Variants in DRC11 observed in about 807,000 individuals in gnomAD.
The protein encoded by DRC11 is IQ and AAA domain-containing protein 1.
chr2:236,459,492 C>T, the DRC11 span, among the ~76,000 whole-genome samples: 22 of 127,242 alleles, frequency 1.7e-4, no homozygotes, highest in African/African-American at 3.4e-4. Context: ...AATATGTATA[C>T]GTATATATGT....
At chr2:236,497,459 G>C in the DRC11 span, 1 of 1,611,872 alleles carries the variant, frequency 6.2e-7, no homozygotes, top group Admixed American at 1.7e-5. This position sits in a 1 kb window ranked among gnomAD's most constrained non-coding sequence, Gnocchi z 5.1. Context: ...AGGGCTTCTT[G>C]GGTCTGATGC....
chr2:236,383,657 T>A, the DRC11 span, among the ~76,000 whole-genome samples: 2 of 151,918 alleles, frequency 1.3e-5, no homozygotes, highest in Non-Finnish European at 2.9e-5. Context: ...TGTTTTGTTT[T>A]TAAAACAACT....
chr2:236,356,680 T>A, the DRC11 span, among the ~76,000 whole-genome samples: 1 of 151,940 alleles, frequency 6.6e-6, no homozygotes, highest in South Asian at 2.1e-4. Context: ...GTAAAACGCC[T>A]TAGCATGTGC....
chr2:236,501,253 C>A, the DRC11 span, among the ~76,000 whole-genome samples: 4 of 152,120 alleles, frequency 2.6e-5, no homozygotes, highest in African/African-American at 9.7e-5. Context: ...AATCCACCTC[C>A]GTGATCCAAT....
At chr2:236,414,031 A>G in the DRC11 span, among the ~76,000 whole-genome samples, 4 of 152,244 alleles carry the variant, frequency 2.6e-5, no homozygotes, top group Non-Finnish European at 5.9e-5. Context: ...TCCACAGAGC[A>G]TTCCTTAACT....
At chr2:236,498,997 T>C in the DRC11 span, among the ~76,000 whole-genome samples, 1 of 151,998 alleles carries the variant, frequency 6.6e-6, no homozygotes, top group Non-Finnish European at 1.5e-5. Flanking sequence ...AATCGAAAAA[T>C]GTCAGTATCT....
the DRC11 span, among the ~76,000 whole-genome samples, chr2:236,423,366 C>A: frequency 5.9e-5 from 9 of 151,454 alleles, no homozygotes; most frequent in African/African-American, 2.2e-4. Context: ...AAAAAAAAAA[C>A]AACGCCATCA....
At chr2:236,412,344 G>GT in the DRC11 span, among the ~76,000 whole-genome samples, 95 of 152,268 alleles carry the variant, frequency 6.2e-4, no homozygotes, top group African/African-American at 2.1e-3. Context: ...CCCCCAGTTG[G>GT]TTTTAGCTCT....
chr2:236,472,316 A>G, the DRC11 span, among the ~76,000 whole-genome samples: 1 of 152,140 alleles, frequency 6.6e-6, no homozygotes, highest in African/African-American at 2.4e-5. The surrounding 1 kb of genome is among the most constrained non-coding windows in gnomAD (Gnocchi z 4.6). Flanking sequence ...TGCCTCCACA[A>G]TTCCCCCCTG....
At chr2:236,445,348 T>A in the DRC11 span, among the ~76,000 whole-genome samples, 2 of 152,098 alleles carry the variant, frequency 1.3e-5, no homozygotes, top group African/African-American at 2.4e-5. The surrounding 1 kb of genome is among the most constrained non-coding windows in gnomAD (Gnocchi z 4.8). Context: ...ATTTATTTAA[T>A]TTTAGACAGA....
chr2:236,493,122 G>A, the DRC11 span, among the ~76,000 whole-genome samples: 4 of 152,164 alleles, frequency 2.6e-5, no homozygotes, highest in African/African-American at 4.8e-5. Flanking sequence ...AAGGTGAAAG[G>A]CACATCTCAT....
the DRC11 span, chr2:236,419,077 T>C: frequency 4.1e-6 from 6 of 1,467,062 alleles, no homozygotes; most frequent in Non-Finnish European, 4.5e-6. The surrounding 1 kb of genome is among the most constrained non-coding windows in gnomAD (Gnocchi z 4.8). Flanking sequence ...AAATATCTCA[T>C]TGACTCAAAG....
At chr2:236,379,300 C>A in the DRC11 span, among the ~76,000 whole-genome samples, 1 of 128,206 alleles carries the variant, frequency 7.8e-6, no homozygotes, top group Non-Finnish European at 1.7e-5. Context: ...GAGGGAACCC[C>A]CAAACAGGGG....
At chr2:236,472,087 T>G in the DRC11 span, among the ~76,000 whole-genome samples, 10 of 152,204 alleles carry the variant, frequency 6.6e-5, no homozygotes, top group African/African-American at 1.7e-4. The surrounding 1 kb of genome is among the most constrained non-coding windows in gnomAD (Gnocchi z 4.6). Flanking sequence ...TCCCACGTAA[T>G]AGAAAAGAAA....
the DRC11 span, among the ~76,000 whole-genome samples, chr2:236,494,380 A>C: frequency 6.6e-6 from 1 of 152,204 alleles, no homozygotes; most frequent in Non-Finnish European, 1.5e-5. This position sits in a 1 kb window ranked among gnomAD's most constrained non-coding sequence, Gnocchi z 4.2. Context: ...TTATTTACAA[A>C]AGTAGTTTGC....
chr2:236,488,144 G>C, the DRC11 span: 2 of 1,607,636 alleles, frequency 1.2e-6, no homozygotes. Flanking sequence ...CAGCAATCTG[G>C]ATTAATTTAA....
the DRC11 span, among the ~76,000 whole-genome samples, chr2:236,472,327 C>G: frequency 6.6e-6 from 1 of 152,210 alleles, no homozygotes; most frequent in Non-Finnish European, 1.5e-5. This position sits in a 1 kb window ranked among gnomAD's most constrained non-coding sequence, Gnocchi z 4.6. Context: ...TTCCCCCCTG[C>G]AGCTAGCTAT....
the DRC11 span, among the ~76,000 whole-genome samples, chr2:236,489,566 C>T: frequency 1.3e-5 from 2 of 152,096 alleles, no homozygotes; most frequent in Non-Finnish European, 2.9e-5. Context: ...GCTCATGTGG[C>T]CTGGCTTGGG....
chr2:236,493,778 G>C, the DRC11 span: 4 of 1,599,116 alleles, frequency 2.5e-6, no homozygotes, highest in South Asian at 3.4e-5. Context: ...CATGTCAGAT[G>C]TATCTATTCC....
Sources: gnomAD v4.1 joint callset for allele counts (sites outside exome capture counted in the v4.1 genomes callset) on GRCh38, gnomAD v4.1.1 for gene constraint, Gnocchi (gnomAD v3.1) non-coding constraint, MANE v1.5 for transcripts, NCBI Gene and HGNC (gene_info 2026-07-23, HGNC 2026-07-21) for gene names.